The following MTMR7 variants were observed in gnomAD, a reference collection of about 807,000 sequenced individuals.
MTMR7 encodes the protein phosphatidylinositol-3-phosphate phosphatase MTMR7.
A neutral mutation model predicts 81.2 loss-of-function variants in MTMR7; 76 were observed. The ratio of observed to expected loss-of-function variants is 0.94; its 90% CI spans 0.78 to 1.13. MTMR7 has a LOEUF of 1.13. Ranked by LOEUF, MTMR7 falls within the 50% of genes most tolerant of loss-of-function variation. The pLI is 0.00. For synonymous variants in MTMR7, 372 were observed against 289.8 expected, an observed-to-expected ratio of 1.28 and a Z score of -2.88; for missense variants, 1,044 against 820.0, an observed-to-expected ratio of 1.27 and a Z score of -3.34.
Position 17,368,448 on chromosome 8 carries a change from T to C in MTMR7, c.310+2589A>G, listed in dbSNP as rs17124458. On this transcript the variant is annotated intron_variant, in intron 3 of 13. Transcript: ENST00000180173. ...AGAGAGCTACATTTTACTACTAGAA[T>C]TCAAAGTACACCTCCCTCACCAACT... 2.0e-3 allele frequency among the ~76,000 whole-genome samples: 308 copies of C among 152,288 alleles called. 3 individuals carry two copies. The highest frequency in any genetic ancestry group is 6.9e-3 in the African/African-American group (285 of 41,556).
At chr8:17,411,788 G>C (rs1014153095) in intron 1 of MTMR7, among the ~76,000 whole-genome samples, 2 of 152,174 alleles carry the variant, frequency 1.3e-5, no homozygotes, top group Non-Finnish European at 2.9e-5. Context: ...TTTGTATATA[G>C]AACAGAAAAG....
intron 4 of MTMR7, among the ~76,000 whole-genome samples, chr8:17,352,214 G>T (rs769351645): frequency 9.9e-5 from 15 of 152,150 alleles, no homozygotes; most frequent in Non-Finnish European, 1.8e-4. Context: ...CTATTTTGCA[G>T]CAATCAAACA....
chr8:17,301,521 C>T (rs1035492027), intron 13 of MTMR7: 2 of 152,174 alleles, frequency 1.3e-5, no homozygotes, highest in African/African-American at 4.8e-5. Flanking sequence ...AAGAGAAAAT[C>T]TCAAATGCCA....
chr8:17,340,900 C>T (rs1489265145), intron 6 of MTMR7, among the ~76,000 whole-genome samples: 1 of 152,036 alleles, frequency 6.6e-6, no homozygotes, highest in African/African-American at 2.4e-5. Flanking sequence ...TTTTAATTTA[C>T]CTTATATTTT....
intron 7 of MTMR7, among the ~76,000 whole-genome samples, chr8:17,327,599 A>T (rs1818752124): frequency 1.3e-5 from 2 of 151,334 alleles, no homozygotes; most frequent in African/African-American, 2.4e-5. Context: ...TTTATTTTTT[A>T]AAAACGTATT....
At chr8:17,337,690 AG>A (rs3214083) in intron 6 of MTMR7, among the ~76,000 whole-genome samples, 11,793 of 152,204 alleles carry the variant, frequency 0.077, 1,263 homozygotes, top group East Asian at 0.32. Context: ...ATCACAGGTC[AG>A]TGCAGCCTCA....
At chr8:17,341,602 C>A (rs1356675378) in intron 5 of MTMR7, 105 bp from the exon 6 acceptor site, 17 of 1,366,212 alleles carry the variant, frequency 1.2e-5, no homozygotes, top group Non-Finnish European at 1.5e-5. Flanking sequence ...CACTGATAGT[C>A]CACCTCGGCT....
intron 1 of MTMR7, among the ~76,000 whole-genome samples, chr8:17,380,773 T>A (rs1820732565): frequency 1.3e-5 from 2 of 152,212 alleles, no homozygotes; most frequent in Admixed American, 6.5e-5. Flanking sequence ...TATTCAAAAT[T>A]AATATGTTTA....
intron 5 of MTMR7, 59 bp downstream of exon 5, chr8:17,348,894 C>T: frequency 6.2e-7 from 1 of 1,600,970 alleles, no homozygotes; most frequent in African/African-American, 1.3e-5. Flanking sequence ...CTAGAAAATG[C>T]CTGCTTATGA....
chr8:17,378,552 C>G (rs1472373466), intron 1 of MTMR7, among the ~76,000 whole-genome samples: 1 of 152,112 alleles, frequency 6.6e-6, no homozygotes, highest in Non-Finnish European at 1.5e-5. Flanking sequence ...TTAGGGAGAG[C>G]TAAGACTAAG....
chr8:17,409,912 G>C (rs1210753230), intron 1 of MTMR7, among the ~76,000 whole-genome samples: 1 of 152,178 alleles, frequency 6.6e-6, no homozygotes, highest in Non-Finnish European at 1.5e-5. Flanking sequence ...GTGAAGACAA[G>C]TTGTGATCAG....
intron 6 of MTMR7, among the ~76,000 whole-genome samples, chr8:17,333,816 T>G (rs1366928666): frequency 6.6e-6 from 1 of 152,086 alleles, no homozygotes; most frequent in Non-Finnish European, 1.5e-5. Flanking sequence ...GCCACTGTAC[T>G]CCAGCCTAGG....
chr8:17,366,948 T>C (rs2150561745), intron 3 of MTMR7, among the ~76,000 whole-genome samples: 1 of 151,444 alleles, frequency 6.6e-6, no homozygotes, highest in East Asian at 1.9e-4. Context: ...ATACAGCTAT[T>C]ACTGGATTTT....
chr8:17,369,690 G>A (rs1422867007), intron 3 of MTMR7, among the ~76,000 whole-genome samples: 1 of 135,458 alleles, frequency 7.4e-6, no homozygotes, highest in Non-Finnish European at 1.5e-5. Context: ...CTGTCACCCA[G>A]GCTGGAGTGC....
chr8:17,370,250 A>G (rs928436970), intron 3 of MTMR7, among the ~76,000 whole-genome samples: 3 of 151,898 alleles, frequency 2.0e-5, no homozygotes, highest in Non-Finnish European at 2.9e-5. Flanking sequence ...AGGTGCAGGC[A>G]TGGTAGTTCA....
chr8:17,321,427 G>A (rs763668733), intron 7 of MTMR7, among the ~76,000 whole-genome samples: 5 of 152,240 alleles, frequency 3.3e-5, no homozygotes, highest in Non-Finnish European at 7.3e-5. Flanking sequence ...AACATTGCGT[G>A]TGCTAAGTAA....
At chr8:17,313,499 G>T in intron 7 of MTMR7, 98 bp from the exon 8 acceptor site, 2 of 731,788 alleles carry the variant, frequency 2.7e-6, no homozygotes, top group Non-Finnish European at 4.4e-6. Flanking sequence ...TTCCTTTGTT[G>T]TATTAGGTAT....
At chr8:17,367,910 A>C (rs1216746576) in intron 3 of MTMR7, among the ~76,000 whole-genome samples, 1 of 140,022 alleles carries the variant, frequency 7.1e-6, no homozygotes, top group African/African-American at 2.7e-5. Flanking sequence ...TTTTGATTTT[A>C]ATATTAAATT....
At position 17,345,394 on chromosome 8, in the gene MTMR7, C is replaced by T. The variant is rs532440874; in HGVS notation, c.597+3559G>A. ...CCTGTGGGAACCAAGGGTGACCCCACGCTCCTGATACTACACAGCCTGCCT... is the reference window on the plus strand; with the variant it reads ...CCTGTGGGAACCAAGGGTGACCCCATGCTCCTGATACTACACAGCCTGCCT... On this transcript the variant is annotated intron_variant, in intron 5 of 13. Coordinates refer to ENST00000180173, the MANE Select transcript of MTMR7 (RefSeq NM_004686.5). Among the ~76,000 whole-genome samples, 7 of 152,382 alleles carry T rather than the reference C, an allele frequency of 4.6e-5. No homozygotes were observed. In the South Asian group the frequency reaches 8.3e-4, roughly 18 times the overall value.
Sources: allele counts gnomAD v4.1 joint callset (sites outside exome capture counted in the v4.1 genomes callset), GRCh38; gene constraint gnomAD v4.1.1; transcripts MANE v1.5; gene names NCBI Gene and HGNC (gene_info 2026-07-23, HGNC 2026-07-21).